ACTR3C: variants seen among roughly 807,000 people sequenced by gnomAD.
ACTR3C encodes the protein actin related protein 3C, also known as actin-related protein 3C.
ACTR3C carries 18 observed loss-of-function variants against 26.3 expected under a neutral mutation model. The observed-to-expected ratio is 0.68, with a 90% CI of 0.47 to 1.01. The LOEUF is 1.01. Among genes scored for constraint, ACTR3C ranks in the 50% least tolerant of loss-of-function variants. The pLI is 0.00. For synonymous variants in ACTR3C, 55 were observed against 94.5 expected (o/e 0.58, Z 2.42); for missense variants, 184 against 250.7 (o/e 0.73, Z 1.80).
chr7:150,018,201 A>G, the ACTR3C span, among the ~76,000 whole-genome samples: 1 of 150,044 alleles, frequency 6.7e-6, no homozygotes, highest in African/African-American at 2.5e-5. Context: ...ATGCACCACA[A>G]AGCCTGGCTA....
At chr7:150,031,275 T>TAAA in the ACTR3C span, among the ~76,000 whole-genome samples, 11 of 132,468 alleles carry the variant, frequency 8.3e-5, no homozygotes, top group African/African-American at 3.1e-4. Context: ...AAAAAAAAAG[T>TAAA]AAAAAAAAAA....
chr7:150,055,199 TG>T, the ACTR3C span, among the ~76,000 whole-genome samples: 1 of 152,244 alleles, frequency 6.6e-6, no homozygotes, highest in East Asian at 1.9e-4. Flanking sequence ...TGCAGATTCG[TG>T]GGCCCTGTCT....
chr7:150,038,493 A>T, the ACTR3C span, among the ~76,000 whole-genome samples: 1 of 143,886 alleles, frequency 6.9e-6, no homozygotes, highest in African/African-American at 2.7e-5. Flanking sequence ...CCTCATACAA[A>T]GGCTTGGCTA....
chr7:149,907,468 CTCTCTTCTCT>C, the ACTR3C span, among the ~76,000 whole-genome samples: 5 of 119,540 alleles, frequency 4.2e-5, no homozygotes, highest in African/African-American at 8.9e-5. Context: ...CCTCTCTTGC[CTCTCTTCTCT>C]TCTCTCTCTC....
chr7:150,083,854 G>A, the ACTR3C span, among the ~76,000 whole-genome samples: 1 of 152,200 alleles, frequency 6.6e-6, no homozygotes, highest in African/African-American at 2.4e-5. Context: ...TGGAGAGGAT[G>A]TGTAGAAAGG....
intron 1 of ACTR3C, among the ~76,000 whole-genome samples, chr7:150,310,532 T>C (rs13243816): frequency 0.04 from 6,135 of 152,062 alleles, 406 homozygotes; most frequent in African/African-American, 0.14. Context: ...TCCTGTTGTG[T>C]CAAACCCCTA....
chr7:149,982,075 G>T, the ACTR3C span, among the ~76,000 whole-genome samples: 1 of 152,182 alleles, frequency 6.6e-6, no homozygotes, highest in African/African-American at 2.4e-5. Context: ...CAGCAAAAAA[G>T]ACTGCAGAAG....
chr7:150,026,879 T>G, the ACTR3C span, among the ~76,000 whole-genome samples: 1 of 152,270 alleles, frequency 6.6e-6, no homozygotes, highest in East Asian at 1.9e-4. Context: ...TTAAAATTTG[T>G]CAGGACCTTT....
the ACTR3C span, among the ~76,000 whole-genome samples, chr7:150,149,031 C>T: frequency 1.4e-5 from 2 of 146,050 alleles, no homozygotes; most frequent in Non-Finnish European, 3.0e-5. Context: ...AAAACGATGT[C>T]TCTCTTCAGT....
chr7:149,947,848 G>A, the ACTR3C span, among the ~76,000 whole-genome samples: 1 of 146,212 alleles, frequency 6.8e-6, no homozygotes, highest in African/African-American at 2.8e-5. Context: ...CCCAGTATAG[G>A]TCTGCTGGAG....
chr7:149,954,343 T>C, the ACTR3C span, among the ~76,000 whole-genome samples: 1 of 152,160 alleles, frequency 6.6e-6, no homozygotes, highest in East Asian at 1.9e-4. Flanking sequence ...AAAGATAGGA[T>C]GCAATGAATA....
At chr7:150,179,949 ATC>A in the ACTR3C span, among the ~76,000 whole-genome samples, 1 of 151,376 alleles carries the variant, frequency 6.6e-6, no homozygotes, top group African/African-American at 2.5e-5. Flanking sequence ...TATGATAAAT[ATC>A]TGTTTACAAG....
At chr7:150,019,666 G>T in the ACTR3C span, among the ~76,000 whole-genome samples, 50,691 of 150,212 alleles carry the variant, frequency 0.34, 8,831 homozygotes, top group East Asian at 0.44. Context: ...TCTCAACAGG[G>T]CCATTCTACC....
At chr7:149,943,867 G>A in the ACTR3C span, among the ~76,000 whole-genome samples, 4 of 144,152 alleles carry the variant, frequency 2.8e-5, no homozygotes, top group Admixed American at 6.7e-5. Context: ...CTGCAATTGC[G>A]GCCATCACAT....
chr7:150,316,863 G>A (rs1025370421), intron 1 of ACTR3C, among the ~76,000 whole-genome samples: 2 of 152,228 alleles, frequency 1.3e-5, no homozygotes, highest in South Asian at 2.1e-4. Context: ...AGGGAGAACC[G>A]ATATCTTTTA....
chr7:149,962,071 C>T, the ACTR3C span, among the ~76,000 whole-genome samples: 10 of 152,170 alleles, frequency 6.6e-5, no homozygotes, highest in African/African-American at 2.4e-4. Context: ...GAAGTGTAAA[C>T]TCACAGGAAG....
chr7:150,178,473 A>T, the ACTR3C span, among the ~76,000 whole-genome samples: 1 of 150,156 alleles, frequency 6.7e-6, no homozygotes, highest in Non-Finnish European at 1.5e-5. Context: ...TAGTAGAGAC[A>T]GGGTTTCACC....
At chr7:150,093,940 T>G in the ACTR3C span, among the ~76,000 whole-genome samples, 1 of 150,702 alleles carries the variant, frequency 6.6e-6, no homozygotes, top group East Asian at 1.9e-4. Context: ...CCCTGTAGAT[T>G]AGCTTATTGC....
the ACTR3C span, among the ~76,000 whole-genome samples, chr7:150,144,946 C>T: frequency 6.0e-5 from 9 of 149,560 alleles, no homozygotes; most frequent in East Asian, 3.9e-4. This position sits in a 1 kb window ranked among gnomAD's most constrained non-coding sequence, Gnocchi z 4.6. Flanking sequence ...GCTACTAGGA[C>T]GGCTGAAGCA....
Sources: allele counts gnomAD v4.1 joint callset (sites outside exome capture counted in the v4.1 genomes callset), GRCh38; gene constraint gnomAD v4.1.1; non-coding constraint Gnocchi (gnomAD v3.1); transcripts MANE v1.5; gene names NCBI Gene and HGNC (gene_info 2026-07-23, HGNC 2026-07-21).